CROCC: variants seen among roughly 807,000 people sequenced by gnomAD.
The protein encoded by CROCC is rootletin.
Under a neutral mutation model 245.2 loss-of-function variants are expected in CROCC, and 180 were observed. The observed-to-expected ratio is 0.73, with a 90% confidence interval of 0.65 to 0.83. CROCC has a LOEUF of 0.83. Ranked by LOEUF, CROCC falls within the 40% of genes least tolerant of loss-of-function variation. CROCC has a pLI of 0.00. For missense variants in CROCC, 2,688 were observed against 2,779.4 expected (o/e 0.97, Z 0.74); for synonymous variants, 1,205 against 1,241.6 (o/e 0.97, Z 0.62).
rs1263242326 is a variant in CROCC at position 16,930,074 on chromosome 1, C to G, written c.537+43C>G. On this transcript the variant is annotated intron_variant, in intron 4 of 36. Transcript: ENST00000375541. The stretch of plus-strand genomic sequence containing the variant: ...CTGCTCCTGTCCTCCCACCTGTTCA[C>G]TTTGCCCCGCCCCAACCCCTGGGGC... 6.4e-6 allele frequency: 10 copies of G among 1,569,314 alleles called. No individual in the cohort carries two copies. In the East Asian group the frequency reaches 2.3e-4, roughly 36 times the overall value.
chr1:16,915,643 GAA>G (rs148444492), intron 1 of CROCC, among the ~76,000 whole-genome samples: 1 of 129,912 alleles, frequency 7.7e-6, no homozygotes, highest in Non-Finnish European at 1.7e-5. Context: ...TTGTCTCAAA[GAA>G]AAAAAAAAAA....
At chr1:16,951,310 C>T (rs992418952) in intron 20 of CROCC, 188 bp downstream of exon 20, 5 of 479,092 alleles carry the variant, frequency 1.0e-5, no homozygotes, top group Non-Finnish European at 1.8e-5. Flanking sequence ...TCCCAGGTCC[C>T]AAATCTGGTC....
At chr1:16,931,684 G>A (rs2075680686) in intron 8 of CROCC, among the ~76,000 whole-genome samples, 1 of 152,272 alleles carries the variant, frequency 6.6e-6, no homozygotes, top group African/African-American at 2.4e-5. Flanking sequence ...AGGACATTGT[G>A]GCGCAGAGAG....
intron 25 of CROCC, among the ~76,000 whole-genome samples, chr1:16,956,467 T>G (rs866309378): frequency 6.6e-6 from 1 of 152,190 alleles, no homozygotes; most frequent in South Asian, 2.1e-4. Flanking sequence ...GTGAACTAGG[T>G]CAGAGGTTGG....
chr1:16,924,422 C>T lies in CROCC; in HGVS notation c.294C>T (p.Ala98=). The T allele has an allele frequency of 6.2e-7, 1 of 1,613,344 alleles. No individual in the cohort carries two copies. Among genetic ancestry groups the T allele is most frequent in the Non-Finnish European group, 8.5e-7 (1 of 1,179,898 alleles). The part of the protein sequence containing the change: ...QELSRVEDLL[A]QSRAERDELA... ...TGTCCCGCGTGGAGGACCTGCTGGC[C>T]CAGAGCCGTGCCGAGCGCGATGAGC... The change falls in exon 3 of 37, where the codon GCC becomes GCT. Residue 98 remains alanine, a synonymous_variant. Transcript: ENST00000375541.
chr1:16,922,194 T>C (rs940675904), intron 1 of CROCC, 116 bp downstream of exon 1: 2 of 1,116,664 alleles, frequency 1.8e-6, no homozygotes, highest in Non-Finnish European at 2.5e-6. Flanking sequence ...GTGGTGGTGG[T>C]GGGGTATACA....
intron 8 of CROCC, among the ~76,000 whole-genome samples, chr1:16,934,076 A>G (rs927646412): frequency 3.2e-4 from 49 of 152,252 alleles, no homozygotes; most frequent in Admixed American, 1.4e-3. Flanking sequence ...TCAAGACTCC[A>G]TAAGTAGAAT....
chr1:16,948,436 C>T lies in CROCC; in HGVS notation c.2620C>T (p.Leu874=). 6.4e-7 allele frequency: 1 copy of T among 1,568,456 alleles called. No individual in the cohort carries two copies. Among genetic ancestry groups the T allele is most frequent in the East Asian group, 2.3e-5 (1 of 43,220 alleles). The stretch of plus-strand genomic sequence containing the variant: ...GCGAGCGGCCCGTGAGAAGGAGGCG[C>T]TAGCCAAGGAGCACGCTGGCCTGGC... ...LERAAREKEA[L]AKEHAGLAVQ... is the part of the protein sequence containing the mutation. Residue 874 remains leucine (L), a synonymous_variant, in exon 18 of 37, where the codon CTA becomes TTA. Transcript: ENST00000375541.
At chr1:16,949,612 A>G (rs894493182) in intron 19 of CROCC, among the ~76,000 whole-genome samples, 1 of 152,186 alleles carries the variant, frequency 6.6e-6, no homozygotes, top group African/African-American at 2.4e-5. Flanking sequence ...CAGCTGTGGG[A>G]AGTTGCTGCT....
intron 23 of CROCC, 100 bp from the exon 24 acceptor site, chr1:16,955,212 G>A: frequency 1.7e-6 from 2 of 1,152,592 alleles, no homozygotes; most frequent in East Asian, 2.3e-5. Flanking sequence ...ACTGCAGAGG[G>A]ATGGGGCAGG....
upstream of CROCC, among the ~76,000 whole-genome samples, chr1:16,920,068 A>ATATT (rs1248574765): frequency 1.2e-3 from 178 of 144,082 alleles, no homozygotes; most frequent in South Asian, 9.1e-3. Context: ...AATTTTTTTT[A>ATATT]TATTTATTTA....
chr1:16,945,201 C>G (rs530249695), intron 14 of CROCC, among the ~76,000 whole-genome samples: 1 of 152,382 alleles, frequency 6.6e-6, no homozygotes, highest in Admixed American at 6.5e-5. Context: ...CCACTGTACT[C>G]CAGCCTGTGT....
intron 8 of CROCC, among the ~76,000 whole-genome samples, 190 bp downstream of exon 8, chr1:16,931,587 G>A (rs2075678961): frequency 6.6e-6 from 1 of 152,268 alleles, no homozygotes; most frequent in Non-Finnish European, 1.5e-5. Context: ...GTTTACTCTG[G>A]GCTAGGCTCA....
At chr1:16,924,165 C>A (rs1338517435) in intron 2 of CROCC, among the ~76,000 whole-genome samples, 160 bp from the exon 3 acceptor site, 1 of 152,270 alleles carries the variant, frequency 6.6e-6, no homozygotes, top group Admixed American at 6.5e-5. Context: ...CCCCTCCTTG[C>A]CTTCCTCCCT....
chr1:16,953,531 C>T (rs1447877942), intron 21 of CROCC, 50 bp downstream of exon 21: 1 of 1,511,646 alleles, frequency 6.6e-7, no homozygotes, highest in Non-Finnish European at 8.9e-7. Context: ...TGCTCCAGTT[C>T]TGGGGCCGGG....
Position 16,960,796 on chromosome 1 carries a change from C to T in CROCC, c.4071C>T (p.Gly1357=). Residue 1357 remains glycine, a synonymous_variant, in exon 27 of 37, where the codon GGC becomes GGT. Coordinates refer to ENST00000375541, the MANE Select transcript of CROCC (RefSeq NM_014675.5). ...VAQRKLQEQE[G]EFRTRERRLL... ...AGCGGAAGCTGCAGGAACAAGAAGG[C>T]GAGTTCCGGACCCGCGAGCGACGCC... is the stretch of plus-strand genomic sequence containing the variant. The T allele has an allele frequency of 2.0e-6, 3 of 1,537,746 alleles. No homozygotes were observed. The highest frequency in any genetic ancestry group is 1.7e-6 in the Non-Finnish European group (2 of 1,149,492).
Position 16,958,656 on chromosome 1 carries a change from G to C in CROCC, c.3938G>C (p.Gly1313Ala). The change falls in exon 26 of 37, where the codon GGC becomes GCC. Residue 1313 changes from glycine (G) to alanine (A), a missense_variant. Physicochemically the swap from Gly to Ala is moderately conservative, Grantham distance 60. This residue lies in a region of CROCC where 1,218 missense variants were observed against 1,286.3 expected (regional missense o/e 0.95). Coordinates refer to ENST00000375541, the MANE Select transcript of CROCC (RefSeq NM_014675.5). ...GAGCTGCAGGGCCGCCTGGCGCTGG[G>C]CGAGCGGGCAGAGAAGGAGAGCAGG... ...LAELQGRLAL[G>A]ERAEKESRRE... is the part of the protein sequence containing the mutation. 6.4e-7 allele frequency: 1 copy of C among 1,555,814 alleles called. No homozygotes were observed. The highest frequency in any genetic ancestry group is 8.7e-7 in the Non-Finnish European group (1 of 1,150,306).
At chr1:16,924,304 G>T (rs775487622) in intron 2 of CROCC, 21 bp from the exon 3 acceptor site, 2 of 1,606,870 alleles carry the variant, frequency 1.2e-6, no homozygotes, top group Non-Finnish European at 1.7e-6. Flanking sequence ...AGCCAACCAT[G>T]TGCCCACTGT....
chr1:16,931,492 C>G lies in CROCC; in HGVS notation c.956+95C>G, dbSNP rs535170128. 2.7e-5 allele frequency: 33 copies of G among 1,217,016 alleles called. No individual in the cohort carries two copies. The African/African-American group carries it at 4.6e-4, about 17-fold the overall frequency. 75.4% of individuals were successfully genotyped at this position (1,217,016 alleles called of 1,614,324 possible). ...TTGAATTTCAGTTCAACTCAACGCA[C>G]TTACTGTGCACAAGGGCCGGTGAGG... On this transcript the variant is annotated intron_variant, in intron 8 of 36. Transcript: ENST00000375541.
Sources: allele counts gnomAD v4.1 joint callset (sites outside exome capture counted in the v4.1 genomes callset), GRCh38; gene constraint gnomAD v4.1.1; regional missense constraint gnomAD v4.1.1; transcripts MANE v1.5; gene names NCBI Gene and HGNC (gene_info 2026-07-23, HGNC 2026-07-21).